The following ST3GAL2 variants were observed in gnomAD, a reference collection of about 807,000 sequenced individuals.
The protein encoded by ST3GAL2 is ST3 beta-galactoside alpha-2,3-sialyltransferase 2, also known as CMP-N-acetylneuraminate-beta-galactosamide-alpha-2,3-sialyltransferase 2.
A neutral mutation model predicts 37.5 loss-of-function variants in ST3GAL2; 16 were observed. The observed-to-expected ratio is 0.43, with a 90% CI of 0.29 to 0.65. The LOEUF is 0.65. Among genes scored for constraint, ST3GAL2 ranks in the 30% least tolerant of loss-of-function variants. The pLI is 0.17. For synonymous variants in ST3GAL2, 238 were observed against 202.9 expected (o/e 1.17, Z -1.47); for missense variants, 383 against 487.8 (o/e 0.79, Z 2.02).
At chr16:70,413,343 G>A (rs2047652384) in intron 1 of ST3GAL2, among the ~76,000 whole-genome samples, 1 of 151,480 alleles carries the variant, frequency 6.6e-6, no homozygotes, top group African/African-American at 2.4e-5. Flanking sequence ...TTGAACCAGG[G>A]AAGTCAAGGC....
At chr16:70,427,330 C>T (rs1163061720) in intron 1 of ST3GAL2, among the ~76,000 whole-genome samples, 1 of 150,730 alleles carries the variant, frequency 6.6e-6, no homozygotes, top group Non-Finnish European at 1.5e-5. Context: ...CCCCTCAAAC[C>T]CAGTCTTCTT....
chr16:70,387,542 G>A (rs953482530), intron 4 of ST3GAL2, among the ~76,000 whole-genome samples: 5 of 151,882 alleles, frequency 3.3e-5, no homozygotes, highest in Non-Finnish European at 5.9e-5. Flanking sequence ...GTAAGAGAGT[G>A]AGACTCCATC....
At chr16:70,387,225 C>T (rs904878930) in intron 4 of ST3GAL2, among the ~76,000 whole-genome samples, 2 of 151,964 alleles carry the variant, frequency 1.3e-5, no homozygotes, top group Non-Finnish European at 2.9e-5. Flanking sequence ...CACTGCACTC[C>T]AGTCTGGGCA....
chr16:70,435,882 G>C (rs894421847), intron 1 of ST3GAL2, among the ~76,000 whole-genome samples: 4 of 151,918 alleles, frequency 2.6e-5, no homozygotes, highest in African/African-American at 9.7e-5. Flanking sequence ...AATCCCAACA[G>C]TGGGAAGCTG....
At chr16:70,414,049 A>G (rs149512126) in intron 1 of ST3GAL2, among the ~76,000 whole-genome samples, 236 of 152,342 alleles carry the variant, frequency 1.5e-3, no homozygotes, top group African/African-American at 5.4e-3. Flanking sequence ...GGAGGCGTAC[A>G]TGAATATATT....
chr16:70,411,721 A>C (rs1394516299), intron 1 of ST3GAL2, among the ~76,000 whole-genome samples: 2 of 152,036 alleles, frequency 1.3e-5, no homozygotes, highest in Non-Finnish European at 2.9e-5. Context: ...CAGGCCAGGC[A>C]CGGTGGCTCA....
At chr16:70,401,751 G>A (rs1234215526) in intron 1 of ST3GAL2, among the ~76,000 whole-genome samples, 1 of 152,048 alleles carries the variant, frequency 6.6e-6, no homozygotes, top group African/African-American at 2.4e-5. Flanking sequence ...CCACCACTTT[G>A]GGAGCCTGAG....
chr16:70,432,074 C>T (rs1477101898), intron 1 of ST3GAL2, among the ~76,000 whole-genome samples: 1 of 151,718 alleles, frequency 6.6e-6, no homozygotes, highest in Admixed American at 6.6e-5. Flanking sequence ...ACCACTTGAG[C>T]CCAAGAGTTC....
At chr16:70,392,707 C>G (rs185697289) in intron 3 of ST3GAL2, among the ~76,000 whole-genome samples, 1 of 152,300 alleles carries the variant, frequency 6.6e-6, no homozygotes, top group East Asian at 1.9e-4. Flanking sequence ...CTCAGCTCAG[C>G]CCTCCAGTGG....
chr16:70,383,497 C>G (rs760990290), intron 4 of ST3GAL2, among the ~76,000 whole-genome samples: 1 of 141,050 alleles, frequency 7.1e-6, no homozygotes, highest in Admixed American at 7.3e-5. Context: ...GGTTTCAGTG[C>G]GCCGAGATCA....
At chr16:70,424,609 TTAAATAAA>T (rs534832248) in intron 1 of ST3GAL2, among the ~76,000 whole-genome samples, 17 of 151,626 alleles carry the variant, frequency 1.1e-4, no homozygotes, top group South Asian at 8.3e-4. Context: ...CTCAAAAAAA[TTAAATAAA>T]TAAATAAATA....
intron 5 of ST3GAL2, 101 bp from the exon 6 acceptor site, chr16:70,383,025 C>T (rs1049460846): frequency 6.3e-7 from 1 of 1,579,746 alleles, no homozygotes; most frequent in Non-Finnish European, 8.6e-7. Context: ...GAGACCTGTG[C>T]GTCTGTGTCT....
chr16:70,385,802 C>T (rs2047439022), intron 4 of ST3GAL2, among the ~76,000 whole-genome samples: 1 of 144,034 alleles, frequency 6.9e-6, no homozygotes, highest in Non-Finnish European at 1.5e-5. Flanking sequence ...CTCCCGGGTT[C>T]AAGTGATCCG....
At chr16:70,421,611 C>G (rs1185726284) in intron 1 of ST3GAL2, among the ~76,000 whole-genome samples, 1 of 152,246 alleles carries the variant, frequency 6.6e-6, no homozygotes, top group Admixed American at 6.5e-5. Context: ...TGGGGTTACA[C>G]AGGCATCGCC....
intron 3 of ST3GAL2, among the ~76,000 whole-genome samples, chr16:70,389,037 G>A (rs1356982165): frequency 7.4e-6 from 1 of 134,740 alleles, no homozygotes; most frequent in African/African-American, 2.9e-5. Flanking sequence ...TCGCACCACC[G>A]CACTCCAGCC....
chr16:70,409,826 T>TTC (rs2047623897), intron 1 of ST3GAL2, among the ~76,000 whole-genome samples: 1 of 151,236 alleles, frequency 6.6e-6, no homozygotes, highest in Non-Finnish European at 1.5e-5. Context: ...TTTTTTTTTT[T>TTC]TCATAAAGAC....
intron 4 of ST3GAL2, among the ~76,000 whole-genome samples, chr16:70,383,475 T>C (rs1027515911): frequency 6.7e-6 from 1 of 150,220 alleles, no homozygotes; most frequent in African/African-American, 2.5e-5. Flanking sequence ...TCCCAGCTAC[T>C]TGGGAGGCTG....
rs1434880425 is a variant in ST3GAL2 at position 70,377,182 on chromosome 16, A to T, written c.*4507T>A. 2.0e-5 allele frequency: 3 copies of T among 147,404 alleles called. No homozygotes were observed. The highest frequency in any genetic ancestry group is 4.5e-5 in the Non-Finnish European group (3 of 66,678). The allele number at this position is 147,404 out of a possible 1,614,324, so 9.1% of individuals were successfully genotyped here. A position where few individuals can be genotyped will look rare whatever the true frequency, so the allele number is the denominator to read the frequency against. On this transcript the variant is annotated 3_prime_UTR_variant, in exon 7 of 7. Coordinates refer to ENST00000342907, the MANE Select transcript of ST3GAL2 (RefSeq NM_006927.4). The stretch of plus-strand genomic sequence containing the variant: ...GCGACAGGAGACCCTGTCTCTTAAA[A>T]AAAAAAAAAAAAAAAAAAAAAGGGT...
chr16:70,404,149 A>G (rs913352134), intron 1 of ST3GAL2, among the ~76,000 whole-genome samples: 2 of 152,176 alleles, frequency 1.3e-5, no homozygotes, highest in Non-Finnish European at 2.9e-5. Flanking sequence ...GGACCAGAAG[A>G]AAAGATCTAG....
Sources: gnomAD v4.1 joint callset for allele counts (sites outside exome capture counted in the v4.1 genomes callset) on GRCh38, gnomAD v4.1.1 for gene constraint, MANE v1.5 for transcripts, NCBI Gene and HGNC (gene_info 2026-07-23, HGNC 2026-07-21) for gene names.